PDE1A: variants seen among roughly 807,000 people sequenced by gnomAD.
The protein encoded by PDE1A is dual specificity calcium/calmodulin-dependent 3',5'-cyclic nucleotide phosphodiesterase 1A.
Under a neutral mutation model 61.7 loss-of-function variants are expected in PDE1A, and 35 were observed. The observed-to-expected ratio is 0.57, with a 90% CI of 0.43 to 0.75. The LOEUF (loss-of-function observed/expected upper bound fraction) is 0.75, where lower values mean the gene tolerates loss of function less well. Among genes scored for constraint, PDE1A ranks in the 30% least tolerant of loss-of-function variants. PDE1A has a pLI of 0.00. For missense variants in PDE1A, 597 were observed against 630.6 expected, an observed-to-expected ratio of 0.95 and a Z score of 0.57; for synonymous variants, 232 against 213.2, an observed-to-expected ratio of 1.09 and a Z score of -0.77.
intron 13 of PDE1A, among the ~76,000 whole-genome samples, chr2:182,170,754 A>T (rs983225808): frequency 5.5e-4 from 83 of 152,072 alleles, no homozygotes; most frequent in African/African-American, 1.9e-3. Context: ...AACTCAGTGT[A>T]TTTCCTGGAA....
At chr2:182,194,306 A>T (rs900738640) in intron 10 of PDE1A, among the ~76,000 whole-genome samples, 4 of 152,144 alleles carry the variant, frequency 2.6e-5, no homozygotes, top group African/African-American at 9.7e-5. Flanking sequence ...TATCTTGCCA[A>T]CCTGACATGT....
At chr2:182,468,464 C>T (rs1027647255) in intron 2 of PDE1A, among the ~76,000 whole-genome samples, 1 of 151,974 alleles carries the variant, frequency 6.6e-6, no homozygotes, top group African/African-American at 2.4e-5. Flanking sequence ...TTGGCCACAT[C>T]TTCAGGCTCT....
intron 1 of PDE1A, among the ~76,000 whole-genome samples, chr2:182,343,923 G>A (rs1448987482): frequency 6.7e-6 from 1 of 150,234 alleles, no homozygotes; most frequent in Admixed American, 6.6e-5. Context: ...AGGCTGGAGT[G>A]CAGTGGCACA....
chr2:182,303,560 C>A (rs1695380925), intron 1 of PDE1A, among the ~76,000 whole-genome samples: 1 of 152,120 alleles, frequency 6.6e-6, no homozygotes, highest in South Asian at 2.1e-4. Flanking sequence ...TCTTAAGGGG[C>A]CTGGGATTTT....
intron 1 of PDE1A, among the ~76,000 whole-genome samples, chr2:182,264,822 C>A: frequency 7.2e-6 from 1 of 138,698 alleles, no homozygotes; most frequent in Non-Finnish European, 1.5e-5. Context: ...AAATATGGAA[C>A]CAACCTAAGT....
chr2:182,437,972 T>C (rs1318753538), intron 2 of PDE1A, among the ~76,000 whole-genome samples: 1 of 151,932 alleles, frequency 6.6e-6, no homozygotes, highest in Non-Finnish European at 1.5e-5. Flanking sequence ...ATTGTTTCAG[T>C]ATAGTTCATG....
chr2:182,661,482 G>A, the PDE1A span, among the ~76,000 whole-genome samples: 1 of 152,130 alleles, frequency 6.6e-6, no homozygotes, highest in Non-Finnish European at 1.5e-5. Flanking sequence ...AGTTAATGGT[G>A]AACTGTTAGA....
chr2:182,252,762 G>A (rs1031499066), intron 2 of PDE1A, among the ~76,000 whole-genome samples: 14 of 152,168 alleles, frequency 9.2e-5, no homozygotes, highest in Non-Finnish European at 1.5e-4. Flanking sequence ...CCTGCAGGAC[G>A]GCAAGGTCCC....
At chr2:182,413,653 A>T (rs1318137405) in intron 1 of PDE1A, among the ~76,000 whole-genome samples, 1 of 152,228 alleles carries the variant, frequency 6.6e-6, no homozygotes, top group Admixed American at 6.5e-5. Context: ...AATTTACTGA[A>T]AACTTTCATA....
At chr2:182,645,639 G>T in the PDE1A span, among the ~76,000 whole-genome samples, 1 of 152,008 alleles carries the variant, frequency 6.6e-6, no homozygotes, top group Non-Finnish European at 1.5e-5. Context: ...AAAAACAAAA[G>T]TTCAAGATTT....
chr2:182,672,943 A>AT, the PDE1A span, among the ~76,000 whole-genome samples: 26 of 152,130 alleles, frequency 1.7e-4, no homozygotes, highest in African/African-American at 6.3e-4. Context: ...TCCTCGTCAT[A>AT]TTCTCATGTG....
At chr2:182,414,254 A>T (rs150839019) in intron 1 of PDE1A, among the ~76,000 whole-genome samples, 151 of 152,292 alleles carry the variant, frequency 9.9e-4, no homozygotes, top group African/African-American at 3.5e-3. Context: ...ATAAGAGGAA[A>T]TTATTTTAGA....
At chr2:182,589,263 G>A in the PDE1A span, among the ~76,000 whole-genome samples, 1 of 98,328 alleles carries the variant, frequency 1.0e-5, no homozygotes, top group Non-Finnish European at 2.2e-5. Context: ...AAGGAAGGGA[G>A]GGAGGGAGGA....
intron 13 of PDE1A, chr2:182,168,325 T>C: frequency 6.5e-7 from 1 of 1,546,332 alleles, no homozygotes; most frequent in South Asian, 1.2e-5. Context: ...TTTTAATAAT[T>C]TAGAGAAAAT....
chr2:182,151,546 T>C (rs979515775), intron 13 of PDE1A, among the ~76,000 whole-genome samples: 3 of 152,238 alleles, frequency 2.0e-5, no homozygotes, highest in African/African-American at 7.2e-5. Context: ...GCCTCTAGTT[T>C]GACTGTTTCC....
the PDE1A span, among the ~76,000 whole-genome samples, chr2:182,554,672 G>A: frequency 5.3e-5 from 8 of 152,196 alleles, no homozygotes; most frequent in South Asian, 2.1e-4. Context: ...AGAGTTATAC[G>A]AAGGAAATAA....
chr2:182,577,045 G>A, the PDE1A span, among the ~76,000 whole-genome samples: 2 of 152,032 alleles, frequency 1.3e-5, no homozygotes, highest in African/African-American at 4.8e-5. Context: ...TTTCTCTATT[G>A]ATTGTATTAT....
chr2:182,378,588 G>A (rs2125297230), intron 1 of PDE1A, among the ~76,000 whole-genome samples: 1 of 152,234 alleles, frequency 6.6e-6, no homozygotes, highest in Admixed American at 6.5e-5. Context: ...CCAAGTATTA[G>A]CTGTGATACA....
intron 2 of PDE1A, among the ~76,000 whole-genome samples, chr2:182,451,490 T>C (rs907814491): frequency 2.0e-5 from 3 of 152,150 alleles, no homozygotes; most frequent in Admixed American, 6.6e-5. Context: ...CTATTTCTGT[T>C]ATTAACTGGC....
Sources: gnomAD v4.1 joint callset for allele counts (sites outside exome capture counted in the v4.1 genomes callset) on GRCh38, gnomAD v4.1.1 for gene constraint, MANE v1.5 for transcripts, NCBI Gene and HGNC (gene_info 2026-07-23, HGNC 2026-07-21) for gene names.